The following HAPSTR1 variants were observed in gnomAD, a reference collection of about 807,000 sequenced individuals.
HAPSTR1 encodes HUWE1-associated protein modifying stress responses 1.
chr16:9,117,577 A>G, the HAPSTR1 span: 1 of 152,892 alleles, frequency 6.5e-6, no homozygotes, highest in Non-Finnish European at 1.5e-5. Context: ...TTAGTGCTCT[A>G]AAGTAGCAGT....
At chr16:9,104,031 G>T in the HAPSTR1 span, 10 of 152,048 alleles carry the variant, frequency 6.6e-5, no homozygotes, top group Non-Finnish European at 2.9e-5. Context: ...AGAATAATAA[G>T]ACTTGCTTGA....
At chr16:9,091,654 G>C in the HAPSTR1 span, 5 of 398,240 alleles carry the variant, frequency 1.3e-5, no homozygotes, top group Non-Finnish European at 2.2e-5. Context: ...GCTCAGTCTT[G>C]GGGTGGGCTC....
At chr16:9,118,947 A>G in the HAPSTR1 span, 170 of 152,632 alleles carry the variant, frequency 1.1e-3, 4 homozygotes, top group Non-Finnish European at 2.8e-4. Flanking sequence ...TAATCTCAGT[A>G]CCCTTTACTC....
chr16:9,116,632 A>G, the HAPSTR1 span: 1 of 1,600,410 alleles, frequency 6.2e-7, no homozygotes, highest in Non-Finnish European at 8.5e-7. Flanking sequence ...GGGTTACATA[A>G]TTGAGCAACT....
At chr16:9,095,558 G>A in the HAPSTR1 span, among the ~76,000 whole-genome samples, 1 of 151,952 alleles carries the variant, frequency 6.6e-6, no homozygotes, top group African/African-American at 2.4e-5. Context: ...GGACAATTTG[G>A]CACTCCTACC....
chr16:9,097,776 C>T, the HAPSTR1 span, among the ~76,000 whole-genome samples: 1 of 152,188 alleles, frequency 6.6e-6, no homozygotes, highest in Admixed American at 6.5e-5. Flanking sequence ...CATCTTAGAG[C>T]CACTCAGTAA....
chr16:9,109,147 A>C, the HAPSTR1 span: 1 of 152,096 alleles, frequency 6.6e-6, no homozygotes, highest in African/African-American at 2.4e-5. Flanking sequence ...TAAGATCTTG[A>C]GCTTGTCTCA....
chr16:9,116,852 A>C, the HAPSTR1 span: 2 of 1,614,128 alleles, frequency 1.2e-6, no homozygotes, highest in Non-Finnish European at 1.7e-6. Context: ...AGCGTACCTC[A>C]GCCCAGTGTG....
At chr16:9,119,290 T>C in the HAPSTR1 span, 1 of 152,226 alleles carries the variant, frequency 6.6e-6, no homozygotes, top group Non-Finnish European at 1.5e-5. Context: ...CTAGCTGAGA[T>C]GCAAAACAAA....
At chr16:9,119,153 C>A in the HAPSTR1 span, 2 of 152,538 alleles carry the variant, frequency 1.3e-5, no homozygotes, top group African/African-American at 2.4e-5. Context: ...CAACTTTTCC[C>A]TTCTCTGTCC....
the HAPSTR1 span, chr16:9,092,225 C>A: frequency 6.3e-7 from 1 of 1,585,918 alleles, no homozygotes; most frequent in Non-Finnish European, 8.6e-7. Flanking sequence ...GAAGCTGTGG[C>A]ACCTCTTCCA....
the HAPSTR1 span, chr16:9,092,295 T>A: frequency 6.7e-7 from 1 of 1,483,290 alleles, no homozygotes; most frequent in Middle Eastern, 1.9e-4. Context: ...GCCATCTTGG[T>A]ACCGCTTGGC....
chr16:9,102,697 G>T, the HAPSTR1 span, among the ~76,000 whole-genome samples: 1 of 151,976 alleles, frequency 6.6e-6, no homozygotes, highest in Non-Finnish European at 1.5e-5. Flanking sequence ...GTTATTTTAG[G>T]TAATTTCATT....
At chr16:9,102,764 C>T in the HAPSTR1 span, among the ~76,000 whole-genome samples, 2 of 151,910 alleles carry the variant, frequency 1.3e-5, no homozygotes, top group African/African-American at 4.8e-5. Context: ...AGCCAAGCTC[C>T]AGGACTGTGA....
the HAPSTR1 span, chr16:9,117,050 A>G: frequency 7.6e-7 from 1 of 1,307,574 alleles, no homozygotes; most frequent in Non-Finnish European, 1.0e-6. Context: ...TGGTTGCCAT[A>G]AAAGGAAGTT....
chr16:9,103,255 G>A, the HAPSTR1 span: 1 of 1,610,542 alleles, frequency 6.2e-7, no homozygotes, highest in Non-Finnish European at 8.5e-7. Flanking sequence ...CCATAGCTCT[G>A]CATGGTAAAG....
At chr16:9,112,897 C>CT in the HAPSTR1 span, 1 of 151,862 alleles carries the variant, frequency 6.6e-6, no homozygotes, top group Non-Finnish European at 1.5e-5. Flanking sequence ...ACTTCTCTGT[C>CT]TAATCATGCT....
At chr16:9,100,907 T>C in the HAPSTR1 span, among the ~76,000 whole-genome samples, 1 of 152,184 alleles carries the variant, frequency 6.6e-6, no homozygotes, top group Non-Finnish European at 1.5e-5. Flanking sequence ...TTAGACTTTT[T>C]TTCCTCTGTT....
At chr16:9,098,974 G>C in the HAPSTR1 span, among the ~76,000 whole-genome samples, 458 of 152,240 alleles carry the variant, frequency 3.0e-3, 1 homozygote, top group African/African-American at 0.01. Context: ...TATAAGTAGA[G>C]TAATCTGATT....
Sources: allele counts gnomAD v4.1 joint callset (sites outside exome capture counted in the v4.1 genomes callset), GRCh38; gene constraint gnomAD v4.1.1; transcripts MANE v1.5; gene names NCBI Gene and HGNC (gene_info 2026-07-23, HGNC 2026-07-21).